DYRK1A: variants seen among roughly 807,000 people sequenced by gnomAD.
DYRK1A encodes the protein dual specificity tyrosine-phosphorylation-regulated kinase 1A.
In DYRK1A, 9 loss-of-function variants were observed where a neutral mutation model predicts 79.7. That is an observed-to-expected ratio of 0.11 (90% CI 0.07 to 0.20). The LOEUF (loss-of-function observed/expected upper bound fraction) is 0.20. Ranked by LOEUF, DYRK1A falls within the 10% of genes least tolerant of loss-of-function variation. The pLI is 1.00. For synonymous variants in DYRK1A, 349 were observed against 329.7 expected (o/e 1.06, Z -0.63); for missense variants, 622 against 956.0 (o/e 0.65, Z 4.61).
At chr21:37,384,783 G>A (rs1338385990) in intron 1 of DYRK1A, among the ~76,000 whole-genome samples, 1 of 152,132 alleles carries the variant, frequency 6.6e-6, no homozygotes, top group Non-Finnish European at 1.5e-5. Flanking sequence ...TGGCAGAAAC[G>A]TGGAAGGTAT....
Position 37,512,443 on chromosome 21 carries a change from G to A in DYRK1A, c.2177G>A (p.Gly726Glu), listed in dbSNP as rs1398691994. ...GGTCCTGCACATTACATGACTGAAGGACATCTGACAATGAGGCAAGGGGCT... is the reference window on the plus strand; with the variant it reads ...GGTCCTGCACATTACATGACTGAAGAACATCTGACAATGAGGCAAGGGGCT... Reference protein sequence around the residue: ...NTGPAHYMTEGHLTMRQGADR... With the variant: ...NTGPAHYMTEEHLTMRQGADR... Residue 726 changes from glycine (G) to glutamate (E), a missense_variant, in exon 12 of 12, where the codon GGA (glycine) becomes GAA (glutamate). Coordinates refer to ENST00000647188, the MANE Select transcript of DYRK1A (RefSeq NM_001347721.2). 5.0e-6 allele frequency: 8 copies of A among 1,614,220 alleles called. No homozygotes were observed. Among genetic ancestry groups the A allele is most frequent in the Non-Finnish European group, 5.1e-6 (6 of 1,180,042 alleles).
At position 37,441,204 on chromosome 21, in the gene DYRK1A, T is replaced by C. The variant is rs549749951; in HGVS notation, c.10+20820T>C. ...CATACTTTCTTTGATAATATAGCCA[T>C]TCTGTCTTAATTTTGATAGCATGAT... On this transcript the variant is annotated intron_variant, in intron 2 of 11. Coordinates refer to ENST00000647188, the MANE Select transcript of DYRK1A (RefSeq NM_001347721.2). Among the ~76,000 whole-genome samples, 360 of 152,298 alleles carry C rather than the reference T, an allele frequency of 2.4e-3. 1 individual carries two copies. Among genetic ancestry groups the C allele is most frequent in the South Asian group, 6.4e-3 (31 of 4,830 alleles).
At position 37,420,353 on chromosome 21, in the gene DYRK1A, A is replaced by G; in HGVS notation, c.-22A>G. The G allele has an allele frequency of 1.2e-6, 2 of 1,610,630 alleles. No individual in the cohort carries two copies. Among genetic ancestry groups the G allele is most frequent in the Middle Eastern group, 1.7e-4 (1 of 6,052 alleles). On this transcript the variant is annotated 5_prime_UTR_variant, in exon 2 of 12. Coordinates refer to ENST00000647188, the MANE Select transcript of DYRK1A (RefSeq NM_001347721.2). ...TCCCTTCCCCCACCCCATCAGGATGATATGAGACTTGAAAGAAGACGATGC... is the reference window on the plus strand; with the variant it reads ...TCCCTTCCCCCACCCCATCAGGATGGTATGAGACTTGAAAGAAGACGATGC...
At chr21:37,489,123 A>G (rs1165287253) in intron 6 of DYRK1A, among the ~76,000 whole-genome samples, 2 of 152,168 alleles carry the variant, frequency 1.3e-5, no homozygotes, top group Non-Finnish European at 2.9e-5. Context: ...TTCCCAGGAA[A>G]ACACAATGTA....
chr21:37,455,019 C>CT (rs72223324), intron 2 of DYRK1A, among the ~76,000 whole-genome samples: 32,183 of 116,726 alleles, frequency 0.28, 5,020 homozygotes, highest in East Asian at 0.37. Flanking sequence ...GGGTGGTCAC[C>CT]TTTTTTTTTT....
At chr21:37,504,883 G>C (rs574191573) in intron 9 of DYRK1A, 1 of 165,594 alleles carries the variant, frequency 6.0e-6, no homozygotes, top group African/African-American at 2.4e-5. Context: ...GTGAGCAGGG[G>C]CATGCATGTT....
chr21:37,478,069 A>G (rs1002694412), intron 3 of DYRK1A, 139 bp from the exon 4 acceptor site: 3 of 1,125,050 alleles, frequency 2.7e-6, no homozygotes, highest in South Asian at 1.6e-5. Flanking sequence ...TTGAGAGAGA[A>G]TGTATAATCA....
chr21:37,437,755 T>A (rs2050968809), intron 2 of DYRK1A, among the ~76,000 whole-genome samples: 1 of 152,174 alleles, frequency 6.6e-6, no homozygotes, highest in South Asian at 2.1e-4. Flanking sequence ...ACTTACCTGT[T>A]GAAGCACATT....
intron 1 of DYRK1A, among the ~76,000 whole-genome samples, chr21:37,380,231 C>A (rs199651264): frequency 9.9e-5 from 15 of 151,928 alleles, no homozygotes; most frequent in African/African-American, 2.7e-4. Context: ...TATTTTCCCT[C>A]GAAAAAAACA....
intron 2 of DYRK1A, among the ~76,000 whole-genome samples, chr21:37,467,604 A>C (rs1279763523): frequency 6.6e-6 from 1 of 152,248 alleles, no homozygotes; most frequent in African/African-American, 2.4e-5. Context: ...CAGAAAGGTC[A>C]TCTCATTTCA....
chr21:37,507,381 C>T (rs1165496805), intron 11 of DYRK1A, among the ~76,000 whole-genome samples: 1 of 152,104 alleles, frequency 6.6e-6, no homozygotes, highest in Non-Finnish European at 1.5e-5. Context: ...CCTCAGGCCT[C>T]TCCCATCTTA....
At chr21:37,368,103 G>GGGGCCGGGCC (rs561276058) in intron 1 of DYRK1A, 16,954 of 152,930 alleles carry the variant, frequency 0.11, 962 homozygotes, top group Non-Finnish European at 0.12. Context: ...CGAGGACGGC[G>GGGGCCGGGCC]GGGCCGGGCC....
At chr21:37,502,624 AAAG>A (rs1027996583) in intron 9 of DYRK1A, 1 of 152,360 alleles carries the variant, frequency 6.6e-6, no homozygotes, top group East Asian at 1.9e-4. Context: ...TTAACACAAA[AAAG>A]AAATTTAAAA....
At chr21:37,474,457 G>A (rs1601205174) in intron 3 of DYRK1A, among the ~76,000 whole-genome samples, 1 of 152,076 alleles carries the variant, frequency 6.6e-6, no homozygotes, top group Non-Finnish European at 1.5e-5. Flanking sequence ...AAAAATTTCT[G>A]GGCCTAATAA....
chr21:37,445,431 T>C (rs1231413674), intron 2 of DYRK1A, among the ~76,000 whole-genome samples: 1 of 152,232 alleles, frequency 6.6e-6, no homozygotes, highest in Non-Finnish European at 1.5e-5. Flanking sequence ...CATTTCATGT[T>C]GGTGCGGGGG....
chr21:37,428,408 T>C (rs904737338), intron 2 of DYRK1A, among the ~76,000 whole-genome samples: 3 of 152,214 alleles, frequency 2.0e-5, no homozygotes, highest in Non-Finnish European at 4.4e-5. Flanking sequence ...TAGTGTAATA[T>C]GTATCTCCTT....
chr21:37,512,601 T>C lies in DYRK1A; in HGVS notation c.*70T>C. 1 of 1,542,886 alleles carries C rather than the reference T, an allele frequency of 6.5e-7. No individual in the cohort carries two copies. The highest frequency in any genetic ancestry group is 8.8e-7 in the Non-Finnish European group (1 of 1,139,052). ...TGGTGTTTTTTTTCCAAAAACAAAG[T>C]GCAAAGCTGCTTGAATCAGGAGGAG... On this transcript the variant is annotated 3_prime_UTR_variant, in exon 12 of 12. Coordinates refer to ENST00000647188, the MANE Select transcript of DYRK1A (RefSeq NM_001347721.2).
intron 2 of DYRK1A, among the ~76,000 whole-genome samples, chr21:37,443,560 T>A (rs2051174508): frequency 6.6e-6 from 1 of 152,242 alleles, no homozygotes; most frequent in Non-Finnish European, 1.5e-5. Context: ...GTTTGATCTT[T>A]GAGTCTTACT....
chr21:37,497,286 T>C (rs1214826810), intron 9 of DYRK1A, among the ~76,000 whole-genome samples: 1 of 152,188 alleles, frequency 6.6e-6, no homozygotes, highest in Non-Finnish European at 1.5e-5. Flanking sequence ...AGCACATACG[T>C]AGTTGTATCT....
Sources: gnomAD v4.1 joint callset for allele counts (sites outside exome capture counted in the v4.1 genomes callset) on GRCh38, gnomAD v4.1.1 for gene constraint, MANE v1.5 for transcripts, NCBI Gene and HGNC (gene_info 2026-07-23, HGNC 2026-07-21) for gene names.